The following VDAC3 variants were observed in gnomAD, a reference collection of about 807,000 sequenced individuals.
VDAC3 encodes the protein voltage dependent anion channel 3.
In VDAC3, 7 loss-of-function variants were observed where a neutral mutation model predicts 33.9. The observed-to-expected ratio is 0.21, with a 90% CI of 0.12 to 0.39. The LOEUF (loss-of-function observed/expected upper bound fraction) is 0.39. VDAC3 is among the 10% of genes least tolerant of loss of function. The pLI is 1.00. For synonymous variants in VDAC3, 100 were observed against 122.4 expected (o/e 0.82, Z 1.21); for missense variants, 261 against 334.5 (o/e 0.78, Z 1.71).
At chr8:42,399,807 C>T in intron 6 of VDAC3, 104 bp downstream of exon 6, 1 of 1,047,758 alleles carries the variant, frequency 9.5e-7, no homozygotes, top group Non-Finnish European at 1.4e-6. Flanking sequence ...AGGAAGAACT[C>T]AGAAGGTTGC....
intron 6 of VDAC3, among the ~76,000 whole-genome samples, chr8:42,400,361 T>TC (rs1182344740): frequency 6.6e-6 from 1 of 151,680 alleles, no homozygotes; most frequent in Non-Finnish European, 1.5e-5. Flanking sequence ...TCCTTTTTTT[T>TC]CCCCCTCACC....
Position 42,405,684 on chromosome 8 carries a change from A to C in VDAC3, c.*222A>C. Reference sequence around the variant, plus strand: ...AGTTGTCATGTTTGTGCCACGTTTCAGTTCAGTTCTGAAGTGTTATTAAAT... The same window carrying C: ...AGTTGTCATGTTTGTGCCACGTTTCCGTTCAGTTCTGAAGTGTTATTAAAT... On this transcript the variant is annotated 3_prime_UTR_variant, in exon 10 of 10. Coordinates refer to ENST00000022615, the MANE Select transcript of VDAC3 (RefSeq NM_005662.7). 1 of 498,488 alleles carries C rather than the reference A, an allele frequency of 2.0e-6. No individual in the cohort carries two copies. The highest frequency in any genetic ancestry group is 3.6e-6 in the Non-Finnish European group (1 of 275,488). The allele number at this position is 498,488 out of a possible 1,614,324, so 30.9% of individuals were successfully genotyped here.
intron 8 of VDAC3, among the ~76,000 whole-genome samples, chr8:42,403,965 C>A (rs1400179811): frequency 6.6e-6 from 1 of 151,734 alleles, no homozygotes; most frequent in African/African-American, 2.4e-5. Context: ...GTTGTCTGAC[C>A]TTGTCATTTT....
intron 8 of VDAC3, 150 bp downstream of exon 8, chr8:42,403,611 C>G (rs756313363): frequency 2.2e-6 from 2 of 921,440 alleles, no homozygotes; most frequent in Admixed American, 6.8e-5. Flanking sequence ...TGGCCAGGCT[C>G]ACGCCTGTAT....
At chr8:42,401,655 A>ATAT in intron 6 of VDAC3, 133 bp from the exon 7 acceptor site, 1 of 769,080 alleles carries the variant, frequency 1.3e-6, no homozygotes. Context: ...TGTTTTTACT[A>ATAT]TATATGTGGC....
chr8:42,403,568 G>A (rs1802452066), intron 8 of VDAC3, 107 bp downstream of exon 8: 1 of 1,215,398 alleles, frequency 8.2e-7, no homozygotes, highest in East Asian at 2.5e-5. Context: ...ATTTTAATAA[G>A]CCAGCTCATT....
Position 42,399,680 on chromosome 8 carries a change from T to G in VDAC3, c.300T>G (p.Asp100Glu). 6.2e-7 allele frequency: 1 copy of G among 1,612,292 alleles called. No individual in the cohort carries two copies. ...CTGAAGGGTTGAAACTGACTCTTGA[T>G]ACCATATTTGTACCGAACACAGGGT... Reference protein sequence around the residue: ...KLAEGLKLTLDTIFVPNTGKK... With the variant: ...KLAEGLKLTLETIFVPNTGKK... Residue 100 changes from aspartate (D) to glutamate (E), a missense_variant, in exon 6 of 10, where the codon GAT (aspartate) becomes GAG (glutamate). By Grantham distance (45) the Asp-to-Glu change is conservative. Transcript: ENST00000022615.
rs980246483 is a variant in VDAC3 at position 42,391,881 on chromosome 8, A to G, written c.-90A>G. The G allele has an allele frequency of 6.6e-6, 1 of 152,292 alleles. No homozygotes were observed. The highest frequency in any genetic ancestry group is 1.5e-5 in the Non-Finnish European group (1 of 68,210). The allele number at this position is 152,292 out of a possible 1,614,324, so 9.4% of individuals were successfully genotyped here. ...AGGCGCGGACGGCGTTGGTTTGAAG[A>G]CCTTCAGCGTTGCCCTGGCGGAGCA... On this transcript the variant is annotated 5_prime_UTR_variant, in exon 1 of 10. Transcript: ENST00000022615.
At position 42,405,548 on chromosome 8, in the gene VDAC3, A is replaced by C; in HGVS notation, c.*86A>C. On this transcript the variant is annotated 3_prime_UTR_variant, in exon 10 of 10. Transcript: ENST00000022615. ...TTTTGGCCTTAAAATTCTTCTGTGA[A>C]ATTTCAAAAGTGTGAACTTTTTATT... The C allele has an allele frequency of 8.4e-7, 1 of 1,187,046 alleles. No homozygotes were observed. The highest frequency in any genetic ancestry group is 1.2e-6 in the Non-Finnish European group (1 of 814,318). The allele number at this position is 1,187,046 out of a possible 1,614,324, so 73.5% of individuals were successfully genotyped here.
intron 4 of VDAC3, 112 bp from the exon 5 acceptor site, chr8:42,398,600 G>A: frequency 8.6e-7 from 1 of 1,163,046 alleles, no homozygotes. Flanking sequence ...GAGTAGGGCT[G>A]TGGCAAGCAG....
chr8:42,391,896 C>G lies in VDAC3; in HGVS notation c.-75C>G, dbSNP rs1421231012. ...TGGTTTGAAGACCTTCAGCGTTGCC[C>G]TGGCGGAGCAGAGACAGGCCCTCGG... On this transcript the variant is annotated 5_prime_UTR_variant, in exon 1 of 10. Transcript: ENST00000022615. 6.6e-6 allele frequency: 1 copy of G among 152,362 alleles called. No homozygotes were observed. The allele number at this position is 152,362 out of a possible 1,614,324, so 9.4% of individuals were successfully genotyped here.
At position 42,398,813 on chromosome 8, in the gene VDAC3, G is replaced by T; in HGVS notation, c.219G>T (p.Gln73His). Reference sequence around the variant, plus strand: ...GTAACTATGGACTTACCTTCACCCAGAAATGGAACACAGACAATACTCTAG... The same window carrying T: ...GTAACTATGGACTTACCTTCACCCATAAATGGAACACAGACAATACTCTAG... Reference protein sequence around the residue: ...KVCNYGLTFTQKWNTDNTLGT... With the variant: ...KVCNYGLTFTHKWNTDNTLGT... Residue 73 changes from glutamine (Q) to histidine (H), a missense_variant, in exon 5 of 10, where the codon CAG becomes CAT. Transcript: ENST00000022615. 6.2e-7 allele frequency: 1 copy of T among 1,613,938 alleles called. No individual in the cohort carries two copies. The highest frequency in any genetic ancestry group is 8.5e-7 in the Non-Finnish European group (1 of 1,179,990).
At chr8:42,402,755 A>G (rs1029017771) in intron 7 of VDAC3, among the ~76,000 whole-genome samples, 4 of 152,214 alleles carry the variant, frequency 2.6e-5, no homozygotes, top group Non-Finnish European at 4.4e-5. Context: ...GAAATTGATG[A>G]AACAGTATTA....
At chr8:42,393,687 C>G in intron 1 of VDAC3, 158 bp from the exon 2 acceptor site, 1 of 381,084 alleles carries the variant, frequency 2.6e-6, no homozygotes. Flanking sequence ...TTAAGAAGAG[C>G]TTTGAGAGAA....
intron 1 of VDAC3, among the ~76,000 whole-genome samples, chr8:42,393,249 A>G (rs1212383010): frequency 6.6e-6 from 1 of 152,194 alleles, no homozygotes; most frequent in Non-Finnish European, 1.5e-5. Flanking sequence ...GAGCTGGGCT[A>G]TATATAAATA....
intron 1 of VDAC3, among the ~76,000 whole-genome samples, chr8:42,392,684 A>G (rs1020374860): frequency 6.6e-6 from 1 of 152,238 alleles, no homozygotes; most frequent in Non-Finnish European, 1.5e-5. Context: ...TAACAAAACA[A>G]AATGCTGAAA....
chr8:42,404,591 G>A (rs1263960397), intron 8 of VDAC3, among the ~76,000 whole-genome samples: 2 of 151,848 alleles, frequency 1.3e-5, no homozygotes, highest in African/African-American at 4.8e-5. Context: ...GCATGGGGGC[G>A]CATGCCTGTA....
chr8:42,394,132 A>G, intron 2 of VDAC3, 78 bp from the exon 3 acceptor site: 2 of 1,313,276 alleles, frequency 1.5e-6, no homozygotes, highest in Non-Finnish European at 2.2e-6. Context: ...TTCTCACAGG[A>G]TTAAACAGCA....
rs1188886241 is a variant in VDAC3, at chr8:42,400,673, C to CTTTTTTTTT, written c.323+986_323+994dup. 2.5e-4 allele frequency among the ~76,000 whole-genome samples: 18 copies of CTTTTTTTTT among 72,320 alleles called. 1 individual carries two copies. Among genetic ancestry groups the CTTTTTTTTT allele is most frequent in the Non-Finnish European group, 4.2e-4 (17 of 40,212 alleles). The allele number at this position is 72,320 out of a possible 152,430, so 47.4% of individuals were successfully genotyped here. A position where few individuals can be genotyped will look rare whatever the true frequency, so the allele number is the denominator to read the frequency against. On this transcript the variant is annotated intron_variant, in intron 6 of 9. Transcript: ENST00000022615. ...TTATCTTTAGGACAAATATTCTTTT[C>CTTTTTTTTT]TTTTTTTTTTTTTTTTTTTTTTTTG...
Sources: gnomAD v4.1 joint callset for allele counts (sites outside exome capture counted in the v4.1 genomes callset) on GRCh38, gnomAD v4.1.1 for gene constraint, MANE v1.5 for transcripts, NCBI Gene and HGNC (gene_info 2026-07-23, HGNC 2026-07-21) for gene names.